The following AGBL4 variants were observed in gnomAD, a reference collection of about 807,000 sequenced individuals.
The protein encoded by AGBL4 is cytosolic carboxypeptidase 6.
A neutral mutation model predicts 66.4 loss-of-function variants in AGBL4; 58 were observed. That is an observed-to-expected ratio of 0.87 (90% CI 0.71 to 1.09). The LOEUF (loss-of-function observed/expected upper bound fraction) is 1.09. Among genes scored for constraint, AGBL4 ranks in the 50% least tolerant of loss-of-function variants. The pLI, the probability that AGBL4 is intolerant of heterozygous loss-of-function variation, is 0.00. For synonymous variants in AGBL4, 234 were observed against 222.9 expected (o/e 1.05, Z -0.44); for missense variants, 579 against 631.0 (o/e 0.92, Z 0.88).
intron 3 of AGBL4, among the ~76,000 whole-genome samples, chr1:49,326,626 G>C (rs557032318): frequency 4.8e-4 from 73 of 152,296 alleles, no homozygotes; most frequent in African/African-American, 1.4e-3. Context: ...AGAAGGAAGA[G>C]ATTAAGGATT....
intron 5 of AGBL4, among the ~76,000 whole-genome samples, chr1:48,942,641 G>A (rs1219403117): frequency 6.6e-6 from 1 of 152,142 alleles, no homozygotes; most frequent in Non-Finnish European, 1.5e-5. Flanking sequence ...CTAGAATTTA[G>A]AATAAAGCCC....
At chr1:49,554,705 C>T (rs547239297) in intron 3 of AGBL4, among the ~76,000 whole-genome samples, 2 of 152,296 alleles carry the variant, frequency 1.3e-5, no homozygotes, top group East Asian at 3.9e-4. Flanking sequence ...GACGCGGACC[C>T]TCGCGGTGAG....
At chr1:49,885,082 G>C (rs998734000) in intron 1 of AGBL4, among the ~76,000 whole-genome samples, 1 of 151,898 alleles carries the variant, frequency 6.6e-6, no homozygotes, top group Admixed American at 6.6e-5. Context: ...ATTGGTCAAA[G>C]TGAAGAAAAC....
chr1:49,940,179 C>A (rs1416009558), intron 1 of AGBL4, among the ~76,000 whole-genome samples: 18 of 151,954 alleles, frequency 1.2e-4, no homozygotes, highest in African/African-American at 3.4e-4. Context: ...TTAGAATGGC[C>A]ATCATTAAAA....
At chr1:49,290,151 G>T (rs1380834236) in intron 3 of AGBL4, among the ~76,000 whole-genome samples, 1 of 152,060 alleles carries the variant, frequency 6.6e-6, no homozygotes, top group Admixed American at 6.5e-5. Flanking sequence ...GTATATGTTA[G>T]GCTTTTGCTG....
chr1:48,934,451 A>C (rs1655289897), intron 5 of AGBL4, among the ~76,000 whole-genome samples: 1 of 152,192 alleles, frequency 6.6e-6, no homozygotes, highest in Non-Finnish European at 1.5e-5. Flanking sequence ...TTACATGTCC[A>C]CTTTAGACAT....
intron 2 of AGBL4, among the ~76,000 whole-genome samples, chr1:49,810,667 A>G (rs899393055): frequency 1.3e-5 from 2 of 152,180 alleles, no homozygotes; most frequent in Non-Finnish European, 2.9e-5. Context: ...CTGGGTAAAT[A>G]TAGCAGACTG....
chr1:48,635,655 T>C (rs1645656649), intron 8 of AGBL4, among the ~76,000 whole-genome samples: 3 of 152,210 alleles, frequency 2.0e-5, no homozygotes. Context: ...GAGAAGGAGC[T>C]TCTACAAATG....
At chr1:48,850,761 C>G (rs1205232797) in intron 6 of AGBL4, among the ~76,000 whole-genome samples, 2 of 152,132 alleles carry the variant, frequency 1.3e-5, no homozygotes, top group African/African-American at 4.8e-5. Context: ...AAGCGATCTG[C>G]CCGCCTCAGC....
rs1157702849 is a variant in AGBL4 at position 48,590,918 on chromosome 1, C to T, written c.1019G>A (p.Gly340Asp). The stretch of plus-strand genomic sequence containing the variant: ...CCGTTCCTCATCCTCAAAGATGTTG[C>T]CATACATGAAGCCATTCATCATGGT... Reference protein sequence around the residue: ...HSTMMNGFMYGNIFEDEERFQ... With the variant: ...HSTMMNGFMYDNIFEDEERFQ... The change falls in exon 10 of 14, where the codon GGC (glycine) becomes GAC (aspartate). Residue 340 changes from glycine (G) to aspartate (D), a missense_variant. By Grantham distance (94) the Gly-to-Asp change is moderately conservative. Coordinates refer to ENST00000371839, the MANE Select transcript of AGBL4 (RefSeq NM_032785.4). 4.3e-6 allele frequency: 7 copies of T among 1,610,208 alleles called. No homozygotes were observed. The Admixed American group carries it at 5.0e-5, about 12-fold the overall frequency.
intron 3 of AGBL4, among the ~76,000 whole-genome samples, chr1:49,575,018 G>A (rs969700371): frequency 2.0e-5 from 3 of 152,060 alleles, no homozygotes; most frequent in Non-Finnish European, 4.4e-5. Flanking sequence ...GGGTCCCCTT[G>A]AGGAAGGACC....
At chr1:48,826,317 G>A (rs1008964608) in intron 6 of AGBL4, among the ~76,000 whole-genome samples, 1 of 152,176 alleles carries the variant, frequency 6.6e-6, no homozygotes, top group Non-Finnish European at 1.5e-5. Context: ...CAAAATAAAA[G>A]GTGTGAAGGA....
chr1:49,182,154 C>T (rs1486329415), intron 4 of AGBL4, among the ~76,000 whole-genome samples: 1 of 152,144 alleles, frequency 6.6e-6, no homozygotes, highest in Non-Finnish European at 1.5e-5. Context: ...GAGACAGGGG[C>T]AGAAGACCAA....
chr1:48,716,153 G>C (rs1377035771), intron 6 of AGBL4, among the ~76,000 whole-genome samples: 1 of 152,178 alleles, frequency 6.6e-6, no homozygotes, highest in East Asian at 1.9e-4. Context: ...GCTTGGAGTG[G>C]CAGCCACTCT....
intron 1 of AGBL4, among the ~76,000 whole-genome samples, chr1:50,008,674 T>C (rs1661314611): frequency 6.6e-6 from 1 of 151,436 alleles, no homozygotes; most frequent in Non-Finnish European, 1.5e-5. Flanking sequence ...AAGAAATATA[T>C]GAAATTGAAC....
chr1:49,559,217 C>G (rs1337576742), intron 3 of AGBL4, among the ~76,000 whole-genome samples: 2 of 151,998 alleles, frequency 1.3e-5, no homozygotes, highest in African/African-American at 4.8e-5. Context: ...CCAGGAGGCT[C>G]AGAACAGAAA....
chr1:49,197,720 T>C (rs999676803), intron 4 of AGBL4, among the ~76,000 whole-genome samples: 4 of 152,176 alleles, frequency 2.6e-5, no homozygotes, highest in African/African-American at 9.6e-5. Flanking sequence ...TCTACAAGGC[T>C]GCCCTGGACC....
chr1:49,516,494 A>T (rs1649837215), intron 3 of AGBL4, among the ~76,000 whole-genome samples: 1 of 152,106 alleles, frequency 6.6e-6, no homozygotes. Flanking sequence ...CATGTACAGC[A>T]TTGCTGTGGG....
intron 3 of AGBL4, among the ~76,000 whole-genome samples, chr1:49,272,072 T>G (rs1241361434): frequency 1.3e-5 from 2 of 152,188 alleles, no homozygotes; most frequent in African/African-American, 4.8e-5. Flanking sequence ...CTAATGTTAT[T>G]ACTACAGGAG....
Sources: gnomAD v4.1 joint callset for allele counts (sites outside exome capture counted in the v4.1 genomes callset) on GRCh38, gnomAD v4.1.1 for gene constraint, MANE v1.5 for transcripts, NCBI Gene and HGNC (gene_info 2026-07-23, HGNC 2026-07-21) for gene names.